Variants in FRMD4A observed in about 807,000 individuals in gnomAD.
The protein encoded by FRMD4A is FERM domain containing 4A, also known as FERM domain-containing protein 4A.
A neutral mutation model predicts 129.1 loss-of-function variants in FRMD4A; 29 were observed. The ratio of observed to expected loss-of-function variants is 0.22; its 90% confidence interval spans 0.17 to 0.31. The LOEUF is 0.31. FRMD4A is among the 10% of genes least tolerant of loss of function. FRMD4A has a pLI of 1.00. For synonymous variants in FRMD4A, 634 were observed against 571.6 expected (o/e 1.11, Z -1.56); for missense variants, 1,272 against 1,375.8 (o/e 0.92, Z 1.19).
intron 2 of FRMD4A, among the ~76,000 whole-genome samples, chr10:14,228,690 G>A (rs1011163698): frequency 2.6e-5 from 4 of 151,792 alleles, no homozygotes; most frequent in African/African-American, 7.3e-5. Flanking sequence ...GGAGATTCAC[G>A]CATCTGGAGT....
intron 15 of FRMD4A, among the ~76,000 whole-genome samples, chr10:13,683,157 T>G (rs1015746015): frequency 1.3e-5 from 2 of 152,146 alleles, no homozygotes; most frequent in Non-Finnish European, 2.9e-5. Context: ...TAGCTGGGAT[T>G]ACAGCGCGCC....
At chr10:13,863,964 T>A (rs918169008) in intron 2 of FRMD4A, among the ~76,000 whole-genome samples, 1 of 151,970 alleles carries the variant, frequency 6.6e-6, no homozygotes, top group Non-Finnish European at 1.5e-5. Context: ...ATTTAACGTT[T>A]GGCAAAGTCT....
In FRMD4A at chr10:13,953,056, T is replaced by C. The variant is rs569630737; in HGVS notation, c.46-94144A>G. 9.9e-5 allele frequency among the ~76,000 whole-genome samples: 15 copies of C among 152,262 alleles called. No homozygotes were observed. The South Asian group carries it at 3.1e-3, about 32-fold the overall frequency. On this transcript the variant is annotated intron_variant, in intron 2 of 24. Transcript: ENST00000357447. The stretch of plus-strand genomic sequence containing the variant: ...TTCTGTAGGATGAGGATGGTGGTCA[T>C]AGCTATTACCTTACACCAGCTGATG...
intron 2 of FRMD4A, among the ~76,000 whole-genome samples, chr10:13,889,675 C>T (rs934011287): frequency 1.3e-5 from 2 of 152,214 alleles, no homozygotes; most frequent in Non-Finnish European, 2.9e-5. Context: ...CGGCAGATCA[C>T]ACTTGGTCAG....
intron 23 of FRMD4A, chr10:13,654,089 C>T (rs1405165882): frequency 4.1e-6 from 2 of 485,212 alleles, no homozygotes; most frequent in Non-Finnish European, 7.2e-6. Flanking sequence ...TTTGAGTCAG[C>T]CTGAGTATAA....
chr10:13,670,474 G>T lies in FRMD4A; in HGVS notation c.1306C>A (p.Pro436Thr). 7 of 1,613,478 alleles carry T rather than the reference G, an allele frequency of 4.3e-6. No homozygotes were observed. Among genetic ancestry groups the T allele is most frequent in the Non-Finnish European group, 5.9e-6 (7 of 1,179,584 alleles). The change falls in exon 17 of 25, where the codon CCC (proline) becomes ACC (threonine). Residue 436 changes from proline to threonine, a missense_variant. By Grantham distance (38) the Pro-to-Thr change is conservative. Transcript: ENST00000357447. ...EYPLDPGEEP[P>T]IVRRRIGTAF... The stretch of plus-strand genomic sequence containing the variant: ...GTTCCTATTCTTCTCCGAACAATGG[G>T]TGGTTCCTCCCCTGGATCCAGGGGA...
At chr10:14,105,504 T>C (rs1837540998) in intron 2 of FRMD4A, among the ~76,000 whole-genome samples, 1 of 152,186 alleles carries the variant, frequency 6.6e-6, no homozygotes, top group Non-Finnish European at 1.5e-5. Context: ...AATGGACTAT[T>C]ATATAAATTA....
At chr10:13,790,173 C>G (rs900693057) in intron 5 of FRMD4A, among the ~76,000 whole-genome samples, 2 of 69,318 alleles carry the variant, frequency 2.9e-5, no homozygotes, top group Non-Finnish European at 5.6e-5. Context: ...GCGGTGAGGT[C>G]AAGGTTGACT....
chr10:14,002,123 T>C (rs574400069), intron 2 of FRMD4A, among the ~76,000 whole-genome samples: 80 of 152,330 alleles, frequency 5.3e-4, no homozygotes, highest in African/African-American at 1.8e-3. Context: ...TATGCTGTGT[T>C]AAAAATATCG....
At chr10:13,936,029 C>G (rs919430815) in intron 2 of FRMD4A, among the ~76,000 whole-genome samples, 1 of 152,196 alleles carries the variant, frequency 6.6e-6, no homozygotes, top group African/African-American at 2.4e-5. Context: ...TTTAGATTCT[C>G]TTTTGTCCCA....
At chr10:13,966,069 G>T (rs2095483448) in intron 2 of FRMD4A, among the ~76,000 whole-genome samples, 1 of 151,962 alleles carries the variant, frequency 6.6e-6, no homozygotes, top group Non-Finnish European at 1.5e-5. Flanking sequence ...GAGTGCAGTG[G>T]TGCCATCTTG....
chr10:13,805,006 G>T (rs940918386), intron 4 of FRMD4A, among the ~76,000 whole-genome samples: 1 of 152,104 alleles, frequency 6.6e-6, no homozygotes, highest in African/African-American at 2.4e-5. Context: ...CTGGCCGCAG[G>T]GTGTCTGTGA....
chr10:14,006,374 A>T (rs1202979161), intron 2 of FRMD4A, among the ~76,000 whole-genome samples: 5 of 152,210 alleles, frequency 3.3e-5, no homozygotes, highest in African/African-American at 9.7e-5. Context: ...GTGTGTGCAA[A>T]CATACCCAAT....
chr10:14,168,531 G>T (rs926089568), intron 2 of FRMD4A, among the ~76,000 whole-genome samples: 1 of 152,162 alleles, frequency 6.6e-6, no homozygotes, highest in Non-Finnish European at 1.5e-5. Context: ...TTTGCACTGT[G>T]ACCTCCCAGG....
At chr10:14,155,203 G>A (rs962639491) in intron 2 of FRMD4A, among the ~76,000 whole-genome samples, 9 of 152,240 alleles carry the variant, frequency 5.9e-5, no homozygotes, top group African/African-American at 2.2e-4. Flanking sequence ...GCTGAGGCAG[G>A]AGGATCACTT....
intron 2 of FRMD4A, among the ~76,000 whole-genome samples, chr10:14,187,523 C>T (rs1359374418): frequency 6.6e-6 from 1 of 152,146 alleles, no homozygotes; most frequent in Non-Finnish European, 1.5e-5. Flanking sequence ...GACCTATATC[C>T]CATGCCTTTC....
At chr10:13,860,101 G>T (rs903201168) in intron 2 of FRMD4A, among the ~76,000 whole-genome samples, 2 of 152,190 alleles carry the variant, frequency 1.3e-5, no homozygotes, top group African/African-American at 2.4e-5. Context: ...TGAAGAACAA[G>T]CCTTCTCATG....
At chr10:13,722,119 A>C (rs1481080483) in intron 12 of FRMD4A, among the ~76,000 whole-genome samples, 1 of 152,150 alleles carries the variant, frequency 6.6e-6, no homozygotes, top group East Asian at 1.9e-4. Context: ...GAAAGATTAT[A>C]AGCATTGGCA....
At chr10:14,110,705 G>A (rs1248339499) in intron 2 of FRMD4A, among the ~76,000 whole-genome samples, 1 of 152,102 alleles carries the variant, frequency 6.6e-6, no homozygotes, top group African/African-American at 2.4e-5. Context: ...CACTGCAGAG[G>A]CATTTTTCTT....
Sources: gnomAD v4.1 joint callset for allele counts (sites outside exome capture counted in the v4.1 genomes callset) on GRCh38, gnomAD v4.1.1 for gene constraint, MANE v1.5 for transcripts, NCBI Gene and HGNC (gene_info 2026-07-23, HGNC 2026-07-21) for gene names.